Variants in MAGI1 observed in about 807,000 individuals in gnomAD.
MAGI1 encodes membrane-associated guanylate kinase, WW and PDZ domain-containing protein 1.
A neutral mutation model predicts 139.9 loss-of-function variants in MAGI1; 58 were observed. The observed-to-expected ratio is 0.41, with a 90% CI of 0.34 to 0.52. The LOEUF (loss-of-function observed/expected upper bound fraction) is 0.52, where lower values mean the gene tolerates loss of function less well. Ranked by LOEUF, MAGI1 falls within the 20% of genes least tolerant of loss-of-function variation. The pLI is 0.12. For synonymous variants in MAGI1, 812 were observed against 737.9 expected (o/e 1.10, Z -1.63); for missense variants, 1,874 against 1,901.6 (o/e 0.99, Z 0.27).
chr3:65,465,271 A>C (rs1462564415), intron 5 of MAGI1, among the ~76,000 whole-genome samples: 1 of 151,430 alleles, frequency 6.6e-6, no homozygotes, highest in African/African-American at 2.4e-5. Flanking sequence ...AAGATGAAGA[A>C]AAGTATTTTA....
At chr3:65,794,046 G>A (rs1408040754) in intron 1 of MAGI1, among the ~76,000 whole-genome samples, 1 of 151,960 alleles carries the variant, frequency 6.6e-6, no homozygotes, top group Admixed American at 6.5e-5. Flanking sequence ...GTGATTTATT[G>A]CGCTACCACA....
At chr3:65,766,938 T>C (rs2037534556) in intron 1 of MAGI1, among the ~76,000 whole-genome samples, 1 of 152,254 alleles carries the variant, frequency 6.6e-6, no homozygotes, top group South Asian at 2.1e-4. Flanking sequence ...AGCCTGAGGA[T>C]AAAAGATGCT....
chr3:66,031,174 G>A (rs1265450702), intron 1 of MAGI1, among the ~76,000 whole-genome samples: 1 of 152,220 alleles, frequency 6.6e-6, no homozygotes, highest in Non-Finnish European at 1.5e-5. Context: ...TTTTTAGGAT[G>A]TGAATGTCAG....
intron 2 of MAGI1, among the ~76,000 whole-genome samples, chr3:65,528,191 A>G (rs1371022144): frequency 6.6e-6 from 1 of 152,218 alleles, no homozygotes; most frequent in Non-Finnish European, 1.5e-5. Flanking sequence ...ACTGAAAACT[A>G]ACAGAAGCAC....
intron 1 of MAGI1, among the ~76,000 whole-genome samples, chr3:66,005,213 T>C (rs986429710): frequency 2.6e-5 from 4 of 152,174 alleles, no homozygotes; most frequent in Admixed American, 2.6e-4. Context: ...CCTACAGATC[T>C]TTGAATGTGT....
chr3:65,956,843 T>G (rs1202458943), intron 1 of MAGI1, among the ~76,000 whole-genome samples: 1 of 151,686 alleles, frequency 6.6e-6, no homozygotes, highest in Non-Finnish European at 1.5e-5. Context: ...ATATAAAAAA[T>G]GCAAAAAAAT....
intron 1 of MAGI1, among the ~76,000 whole-genome samples, chr3:66,012,779 A>AG (rs910028900): frequency 1.3e-5 from 2 of 151,780 alleles, no homozygotes; most frequent in African/African-American, 4.8e-5. Flanking sequence ...AAAAAAAAAA[A>AG]AAGAATAAAT....
intron 2 of MAGI1, among the ~76,000 whole-genome samples, chr3:65,553,722 T>C (rs6788199): frequency 0.43 from 65,576 of 152,028 alleles, 14,775 homozygotes; most frequent in East Asian, 0.64. Context: ...ACTTTCTATT[T>C]GTTTTTTAAT....
At position 66,038,144 on chromosome 3, in the gene MAGI1, A is replaced by G. The variant is rs1576551540; in HGVS notation, c.165T>C (p.Leu55=). Residue 55 remains leucine, a synonymous_variant, in exon 1 of 23, where the codon CTT becomes CTC. Coordinates refer to ENST00000402939, the MANE Select transcript of MAGI1 (RefSeq NM_001033057.2). Reference sequence around the variant, plus strand: ...GCCTCGGGCCCTCGCCGCCGCCGGGAAGCCCCGCTGCCTCGACCGCCGCCA... The same window carrying G: ...GCCTCGGGCCCTCGCCGCCGCCGGGGAGCCCCGCTGCCTCGACCGCCGCCA... ...GAVAAVEAAG[L]PGGGEGPRLG... is the part of the protein sequence containing the mutation. 13 of 1,611,944 alleles carry G rather than the reference A, an allele frequency of 8.1e-6. No individual in the cohort carries two copies. The East Asian group carries it at 2.7e-4, about 33-fold the overall frequency.
chr3:65,548,562 G>A (rs1346641571), intron 2 of MAGI1, among the ~76,000 whole-genome samples: 3 of 119,792 alleles, frequency 2.5e-5, no homozygotes. Flanking sequence ...TCTCCCTCTC[G>A]CCCAGGCTGG....
At chr3:65,504,493 G>C (rs1243387692) in intron 2 of MAGI1, among the ~76,000 whole-genome samples, 1 of 152,126 alleles carries the variant, frequency 6.6e-6, no homozygotes, top group African/African-American at 2.4e-5. Context: ...GTCAGGACCA[G>C]GACTTGAAAC....
chr3:65,662,602 T>C (rs10222401), intron 1 of MAGI1, among the ~76,000 whole-genome samples: 10,253 of 152,278 alleles, frequency 0.067, 1,169 homozygotes, highest in African/African-American at 0.23. Context: ...TTTTATTGTA[T>C]CAATTTAAGT....
chr3:65,390,891 G>A (rs566901859), intron 14 of MAGI1, among the ~76,000 whole-genome samples: 4 of 152,160 alleles, frequency 2.6e-5, no homozygotes, highest in Admixed American at 6.5e-5. Context: ...CTGAAGGGAC[G>A]AAAAAACCCA....
intron 1 of MAGI1, among the ~76,000 whole-genome samples, chr3:65,969,729 A>G (rs1001070278): frequency 3.3e-5 from 5 of 152,246 alleles, no homozygotes; most frequent in Non-Finnish European, 7.3e-5. Context: ...GATATCCATC[A>G]TGTGCTGTCC....
intron 1 of MAGI1, among the ~76,000 whole-genome samples, chr3:65,969,355 G>A (rs980647247): frequency 8.5e-5 from 13 of 152,180 alleles, no homozygotes; most frequent in Admixed American, 7.9e-4. Flanking sequence ...GTTAGGGGCT[G>A]GGGGGTGGCT....
intron 1 of MAGI1, among the ~76,000 whole-genome samples, chr3:65,977,486 G>A (rs2065323423): frequency 6.6e-6 from 1 of 152,100 alleles, no homozygotes; most frequent in Non-Finnish European, 1.5e-5. Flanking sequence ...CAAGGCAGGT[G>A]GATCACCTGA....
intron 1 of MAGI1, among the ~76,000 whole-genome samples, chr3:65,862,755 C>A (rs768719492): frequency 4.6e-5 from 7 of 152,244 alleles, no homozygotes; most frequent in Non-Finnish European, 1.0e-4. Flanking sequence ...CCACAAAATG[C>A]AGAGCCTAGA....
chr3:65,874,813 A>G (rs1171927347), intron 1 of MAGI1: 1 of 152,632 alleles, frequency 6.6e-6, no homozygotes, highest in Non-Finnish European at 1.5e-5. Flanking sequence ...ATGAATATCC[A>G]TAGCAGTATT....
intron 10 of MAGI1, among the ~76,000 whole-genome samples, chr3:65,436,458 A>G (rs956705416): frequency 4.6e-5 from 7 of 152,206 alleles, no homozygotes; most frequent in African/African-American, 1.4e-4. Context: ...TCCTCTATAA[A>G]GGCCTCATCC....
Sources: gnomAD v4.1 joint callset for allele counts (sites outside exome capture counted in the v4.1 genomes callset) on GRCh38, gnomAD v4.1.1 for gene constraint, MANE v1.5 for transcripts, NCBI Gene and HGNC (gene_info 2026-07-23, HGNC 2026-07-21) for gene names.